Variants in FOCAD observed in about 807,000 individuals in gnomAD.
FOCAD encodes focadhesin, also known as KIAA1797.
A neutral mutation model predicts 225.6 loss-of-function variants in FOCAD; 198 were observed. The ratio of observed to expected loss-of-function variants is 0.88; its 90% CI spans 0.78 to 0.99. The LOEUF (loss-of-function observed/expected upper bound fraction) is 0.99, where lower values mean the gene tolerates loss of function less well. Among genes scored for constraint, FOCAD ranks in the 50% least tolerant of loss-of-function variants. The pLI, the probability that FOCAD is intolerant of heterozygous loss-of-function variation, is 0.00. For synonymous variants in FOCAD, 897 were observed against 755.0 expected (o/e 1.19, Z -3.08); for missense variants, 2,713 against 2,123.6 (o/e 1.28, Z -5.46).
At chr9:20,859,392 A>G (rs1012485252) in intron 15 of FOCAD, among the ~76,000 whole-genome samples, 6 of 151,332 alleles carry the variant, frequency 4.0e-5, no homozygotes, top group Non-Finnish European at 8.9e-5. Context: ...AAAAAAAAAA[A>G]AAAGAAAGAA....
In FOCAD at chr9:20,929,548, G is replaced by C. The variant is rs1835274867; in HGVS notation, c.3269G>C (p.Gly1090Ala). ...TCTCAAGCCGTGCAAATCCACATGGGCCTTGCTTTAGGGATGTTTCTCTCT... is the reference window on the plus strand; with the variant it reads ...TCTCAAGCCGTGCAAATCCACATGGCCCTTGCTTTAGGGATGTTTCTCTCT... ...DESQAVQIHMGLALGMFLSRL... is the reference protein window; with the variant it reads ...DESQAVQIHMALALGMFLSRL... Residue 1090 changes from glycine to alanine, a missense_variant, in exon 27 of 44, where the codon GGC (glycine) becomes GCC (alanine). Physicochemically the swap from Gly to Ala is moderately conservative, Grantham distance 60 (BLOSUM62 0). Coordinates refer to ENST00000338382, the MANE Select transcript of FOCAD (RefSeq NM_001375567.1). 6.2e-7 allele frequency: 1 copy of C among 1,614,062 alleles called. No individual in the cohort carries two copies.
intron 21 of FOCAD, among the ~76,000 whole-genome samples, chr9:20,897,394 T>C (rs1832182144): frequency 6.6e-6 from 1 of 151,732 alleles, no homozygotes; most frequent in Admixed American, 6.6e-5. Context: ...TTGATTAATA[T>C]CTTCTATATT....
intron 15 of FOCAD, among the ~76,000 whole-genome samples, chr9:20,831,256 A>C (rs1825464223): frequency 6.6e-6 from 1 of 152,090 alleles, no homozygotes; most frequent in Admixed American, 6.6e-5. Flanking sequence ...TGTTCAGGCC[A>C]GTTATCATTT....
intron 15 of FOCAD, among the ~76,000 whole-genome samples, chr9:20,854,466 T>A (rs1325751406): frequency 6.6e-6 from 1 of 151,706 alleles, no homozygotes; most frequent in Non-Finnish European, 1.5e-5. Context: ...TGAGGGAAAT[T>A]AATGACTTCA....
intron 2 of FOCAD, among the ~76,000 whole-genome samples, chr9:20,675,333 T>C (rs1199493635): frequency 6.6e-6 from 1 of 152,244 alleles, no homozygotes; most frequent in African/African-American, 2.4e-5. Flanking sequence ...ATAGCCATCA[T>C]GTCAAAACAA....
At chr9:20,820,000 A>G (rs1824144627) in intron 12 of FOCAD, 100 bp downstream of exon 12, 22 of 673,892 alleles carry the variant, frequency 3.3e-5, no homozygotes, top group Non-Finnish European at 4.5e-5. Flanking sequence ...AAATTTTGCC[A>G]TAGTCACTAC....
intron 20 of FOCAD, 59 bp downstream of exon 20, chr9:20,882,115 C>T: frequency 1.3e-6 from 2 of 1,491,822 alleles, no homozygotes; most frequent in Non-Finnish European, 1.8e-6. Flanking sequence ...TTAACTTCCA[C>T]TTTCAAGTAG....
intron 19 of FOCAD, among the ~76,000 whole-genome samples, chr9:20,881,232 G>A (rs866930672): frequency 1.3e-5 from 2 of 152,182 alleles, no homozygotes; most frequent in Non-Finnish European, 2.9e-5. Context: ...CAAATGCAGT[G>A]GCACTGACTT....
rs1047278110 is a variant in FOCAD, at chr9:20,673,098, G to A, written c.-78+14272G>A. 7.9e-5 allele frequency among the ~76,000 whole-genome samples: 12 copies of A among 152,158 alleles called. 1 individual carries two copies. Among genetic ancestry groups the A allele is most frequent in the Non-Finnish European group, 2.9e-5 (2 of 68,028 alleles). ...TGAAAACCACTCCAGAATGGTAGGG[G>A]GATAAATTGTATTTTGGGGAAGATT... On this transcript the variant is annotated intron_variant, in intron 2 of 45. Transcript: ENST00000380249.
rs748888386 is a variant in FOCAD, at chr9:20,717,842, G to C, written c.106G>C (p.Glu36Gln). ...AGTCCTAAAGGAAAATGGTTTTTCA[G>C]AAAAGATTCACCAATCTACAAATCA... The part of the protein sequence containing the change: ...AAVLKENGFS[E>Q]KIHQSTNQTP... The change falls in exon 3 of 44, where the codon GAA (glutamate) becomes CAA (glutamine). Residue 36 changes from glutamate (E) to glutamine (Q), a missense_variant. Transcript: ENST00000338382. The C allele has an allele frequency of 1.2e-6, 2 of 1,612,648 alleles. No homozygotes were observed. Among genetic ancestry groups the C allele is most frequent in the South Asian group, 2.2e-5 (2 of 91,042 alleles).
chr9:20,833,076 C>T (rs1220013788), intron 15 of FOCAD, among the ~76,000 whole-genome samples: 2 of 151,990 alleles, frequency 1.3e-5, no homozygotes, highest in Non-Finnish European at 2.9e-5. Context: ...TCTTTAAGAA[C>T]CTCTATACTG....
intron 1 of FOCAD, among the ~76,000 whole-genome samples, chr9:20,713,356 G>A (rs1332171010): frequency 6.6e-6 from 1 of 152,100 alleles, no homozygotes; most frequent in Non-Finnish European, 1.5e-5. Context: ...CTGTGCCTGT[G>A]ACACTCTTCC....
At chr9:20,958,078 C>G (rs1838365535) in intron 35 of FOCAD, among the ~76,000 whole-genome samples, 1 of 141,432 alleles carries the variant, frequency 7.1e-6, no homozygotes, top group Admixed American at 7.4e-5. Flanking sequence ...TGTATAACTT[C>G]AGGCAAACTG....
chr9:20,895,445 A>G lies in FOCAD; in HGVS notation c.2625+10215A>G, dbSNP rs146153342. Among the ~76,000 whole-genome samples the G allele has an allele frequency of 3.8e-3, 576 of 152,104 alleles. 5 individuals carry two copies. Among genetic ancestry groups the G allele is most frequent in the African/African-American group, 0.013 (547 of 41,542 alleles). ...GACAATATTGAGCTTTCAAAAATCC[A>G]TGAACCTGGAATATTTCTCTATTTA... On this transcript the variant is annotated intron_variant, in intron 21 of 43. Transcript: ENST00000338382.
chr9:20,808,843 C>G (rs984951510), intron 11 of FOCAD, among the ~76,000 whole-genome samples: 4 of 152,168 alleles, frequency 2.6e-5, no homozygotes, highest in Non-Finnish European at 4.4e-5. Flanking sequence ...TTAACATCCA[C>G]TTTAGTCCTA....
chr9:20,818,667 C>A (rs1455087438), intron 11 of FOCAD, among the ~76,000 whole-genome samples: 1 of 151,764 alleles, frequency 6.6e-6, no homozygotes, highest in Admixed American at 6.6e-5. Flanking sequence ...TTGTCAAAAA[C>A]CAATTGATTA....
chr9:20,665,698 G>A (rs894768396), intron 2 of FOCAD, among the ~76,000 whole-genome samples: 1 of 152,012 alleles, frequency 6.6e-6, no homozygotes. Flanking sequence ...TGCTTTTCCC[G>A]GGTTTTAATC....
At chr9:20,660,409 T>C (rs1055572712) in intron 2 of FOCAD, among the ~76,000 whole-genome samples, 1 of 152,188 alleles carries the variant, frequency 6.6e-6, no homozygotes, top group Non-Finnish European at 1.5e-5. Flanking sequence ...TATGAGCCCA[T>C]ACAGTCTGGT....
chr9:20,919,271 C>G (rs1182297159), intron 24 of FOCAD, among the ~76,000 whole-genome samples: 1 of 152,126 alleles, frequency 6.6e-6, no homozygotes, highest in Non-Finnish European at 1.5e-5. Flanking sequence ...CGTGAAGGAC[C>G]TCTTCAAGGA....
Sources: gnomAD v4.1 joint callset for allele counts (sites outside exome capture counted in the v4.1 genomes callset) on GRCh38, gnomAD v4.1.1 for gene constraint, MANE v1.5 for transcripts, NCBI Gene and HGNC (gene_info 2026-07-23, HGNC 2026-07-21) for gene names.